Variants in GNAL observed in about 807,000 individuals in gnomAD.
The protein encoded by GNAL is G protein subunit alpha L.
A neutral mutation model predicts 55.1 loss-of-function variants in GNAL; 18 were observed. That is an observed-to-expected ratio of 0.33 (90% CI 0.23 to 0.48). GNAL has a LOEUF of 0.48. Ranked by LOEUF, GNAL falls within the 20% of genes least tolerant of loss-of-function variation. The pLI is 0.99. For synonymous variants in GNAL, 253 were observed against 237.0 expected (o/e 1.07, Z -0.62); for missense variants, 412 against 614.1 (o/e 0.67, Z 3.48).
At chr18:11,776,729 A>G (rs796547611) in intron 4 of GNAL, among the ~76,000 whole-genome samples, 30 of 145,962 alleles carry the variant, frequency 2.1e-4, no homozygotes, top group Middle Eastern at 3.5e-3. Context: ...AAAAAAAAAA[A>G]GAATTTACAC....
chr18:11,735,009 G>A (rs1051531603), intron 1 of GNAL, among the ~76,000 whole-genome samples: 2 of 148,926 alleles, frequency 1.3e-5, no homozygotes, highest in Non-Finnish European at 3.0e-5. Flanking sequence ...CCAGGCCGAC[G>A]TGAGGATTGG....
Position 11,689,466 on chromosome 18 carries a change from C to T in GNAL, c.-98C>T. 2.0e-6 allele frequency: 1 copy of T among 505,996 alleles called. No individual in the cohort carries two copies. The highest frequency in any genetic ancestry group is 2.0e-5 in the African/African-American group (1 of 49,970). The allele number at this position is 505,996 out of a possible 1,614,324, so 31.3% of individuals were successfully genotyped here. Reference sequence around the variant, plus strand: ...CGGGTGCAGCCCCCTCCCGCCCCTCCGCTGAGGCGCCGGCCTGAACTGGGC... The same window carrying T: ...CGGGTGCAGCCCCCTCCCGCCCCTCTGCTGAGGCGCCGGCCTGAACTGGGC... On this transcript the variant is annotated 5_prime_UTR_variant, in exon 1 of 12. Transcript: ENST00000334049.
intron 8 of GNAL, among the ~76,000 whole-genome samples, chr18:11,867,835 A>C (rs9303751): frequency 0.33 from 49,713 of 148,776 alleles, 9,407 homozygotes; most frequent in African/African-American, 0.53. Flanking sequence ...AATAATAATA[A>C]AAAAATTAGC....
chr18:11,859,296 A>G (rs2036076422), intron 5 of GNAL, among the ~76,000 whole-genome samples: 1 of 152,164 alleles, frequency 6.6e-6, no homozygotes, highest in Non-Finnish European at 1.5e-5. Flanking sequence ...CTGACTGTCC[A>G]GCCCCAGTTC....
At chr18:11,873,849 CG>C (rs1555616713) in intron 10 of GNAL, among the ~76,000 whole-genome samples, 15 of 152,122 alleles carry the variant, frequency 9.9e-5, no homozygotes, top group Non-Finnish European at 2.1e-4. Flanking sequence ...GCTCGGCGGC[CG>C]GGGGGTCCTT....
chr18:11,834,195 T>C (rs62097373), intron 5 of GNAL, among the ~76,000 whole-genome samples: 6,425 of 152,294 alleles, frequency 0.042, 164 homozygotes, highest in African/African-American at 0.072. Flanking sequence ...TATGGCTATA[T>C]TGATAAGAAC....
intron 1 of GNAL, among the ~76,000 whole-genome samples, chr18:11,716,141 C>T (rs902228665): frequency 1.3e-5 from 2 of 152,220 alleles, no homozygotes; most frequent in African/African-American, 4.8e-5. Context: ...GCAGCAATCT[C>T]ATTACTGGGT....
intron 4 of GNAL, among the ~76,000 whole-genome samples, chr18:11,778,835 G>C (rs546322292): frequency 6.6e-6 from 1 of 152,086 alleles, no homozygotes; most frequent in Admixed American, 6.5e-5. Flanking sequence ...ATGTTCCAGA[G>C]AATTTAACCC....
chr18:11,760,998 C>T (rs1598435382), intron 4 of GNAL, among the ~76,000 whole-genome samples: 1 of 152,286 alleles, frequency 6.6e-6, no homozygotes, highest in South Asian at 2.1e-4. Flanking sequence ...GGCGGTACAG[C>T]TTTAAAATGA....
chr18:11,884,964 TTCCAGG>T lies in GNAL; in HGVS notation c.*3830_*3835del, dbSNP rs1269744422. 7.7e-7 allele frequency: 1 copy of T among 1,302,742 alleles called. No individual in the cohort carries two copies. The allele number at this position is 1,302,742 out of a possible 1,614,324, so 80.7% of individuals were successfully genotyped here. The stretch of plus-strand genomic sequence containing the variant: ...AGAGATTCAGAGAGGCACCGTGGAG[TTCCAGG>T]GTCATCGGTCAGCGAGGAACAAGGA... On this transcript the variant is annotated 3_prime_UTR_variant, in exon 12 of 12. Transcript: ENST00000334049.
intron 4 of GNAL, among the ~76,000 whole-genome samples, chr18:11,766,911 G>A (rs927612055): frequency 3.3e-5 from 5 of 152,152 alleles, no homozygotes; most frequent in African/African-American, 7.2e-5. Context: ...CTAATAACCT[G>A]GGATGGCATT....
chr18:11,811,496 C>G (rs2034814756), intron 4 of GNAL: 1 of 152,220 alleles, frequency 6.6e-6, no homozygotes, highest in Non-Finnish European at 1.5e-5. Context: ...AAACTGTTAA[C>G]TGTCAGCAGT....
At chr18:11,718,759 A>C (rs559908610) in intron 1 of GNAL, among the ~76,000 whole-genome samples, 13 of 152,288 alleles carry the variant, frequency 8.5e-5, no homozygotes, top group African/African-American at 3.1e-4. Flanking sequence ...AAATGAGAGA[A>C]CTGCACTGTA....
chr18:11,737,954 G>A (rs1475721735), intron 1 of GNAL, among the ~76,000 whole-genome samples: 1 of 152,202 alleles, frequency 6.6e-6, no homozygotes, highest in Non-Finnish European at 1.5e-5. Flanking sequence ...ACCCAGTGGA[G>A]GCTGTCTGCA....
intron 2 of GNAL, 76 bp downstream of exon 2, chr18:11,753,001 T>A: frequency 2.6e-6 from 2 of 759,044 alleles, no homozygotes; most frequent in Non-Finnish European, 4.6e-6. Context: ...GTGCTTTCTC[T>A]AAACAATTTT....
Position 11,791,314 on chromosome 18 carries a change from A to G in GNAL, c.625-33604A>G, listed in dbSNP as rs147218835. Among the ~76,000 whole-genome samples the G allele has an allele frequency of 9.9e-3, 1,515 of 152,346 alleles. 10 individuals carry two copies. Among genetic ancestry groups the G allele is most frequent in the Non-Finnish European group, 0.015 (993 of 68,030 alleles). On this transcript the variant is annotated intron_variant, in intron 4 of 11. Transcript: ENST00000334049. ...CCTGTTTGTTTCTTTGTTGCCAGCCACAGGAATGGGAACCGCTAGGTGTTT... is the reference window on the plus strand; with the variant it reads ...CCTGTTTGTTTCTTTGTTGCCAGCCGCAGGAATGGGAACCGCTAGGTGTTT...
rs781365595 is a variant in GNAL at position 11,752,839 on chromosome 18, CTGTT to C, written c.377-7_377-4del. ...CCGGACACAGATCACAGCGTTCTTT[CTGTT>C]TGTTTGCAGGGGCTGGTGAGTCTGG... On this transcript the variant is annotated splice_polypyrimidine_tract_variant and intron_variant, in intron 1 of 11. Transcript: ENST00000334049. This position sits in a 1 kb window ranked among gnomAD's most constrained non-coding sequence, Gnocchi z 4.5. 5.0e-6 allele frequency: 8 copies of C among 1,586,688 alleles called. No homozygotes were observed. Among genetic ancestry groups the C allele is most frequent in the South Asian group, 2.2e-5 (2 of 90,484 alleles).
Position 11,885,434 on chromosome 18 carries a change from A to G in GNAL, c.*4299A>G. ...GAGAGGATACGGCCCTCCCTGAAGG[A>G]TAAAGTCCACCTGGACGGTGCCCTG... On this transcript the variant is annotated 3_prime_UTR_variant, in exon 12 of 12. Transcript: ENST00000334049. The G allele has an allele frequency of 1.9e-6, 1 of 528,546 alleles. No individual in the cohort carries two copies. The highest frequency in any genetic ancestry group is 3.4e-6 in the Non-Finnish European group (1 of 296,592). 32.7% of individuals were successfully genotyped at this position (528,546 alleles called of 1,614,324 possible). A position where few individuals can be genotyped will look rare whatever the true frequency, so the allele number is the denominator to read the frequency against.
At position 11,881,521 on chromosome 18, in the gene GNAL, C is replaced by G. The variant is rs1216982626; in HGVS notation, c.*386C>G. On this transcript the variant is annotated 3_prime_UTR_variant, in exon 12 of 12. Transcript: ENST00000334049. This position sits in a 1 kb window ranked among gnomAD's most constrained non-coding sequence, Gnocchi z 4.8. ...GACTGCAAGAGCGTTCGTGCAGTGC[C>G]CTGAGCCACGGCCGTCTCTGATTCT... The G allele has an allele frequency of 6.2e-6, 1 of 161,696 alleles. No individual in the cohort carries two copies. The highest frequency in any genetic ancestry group is 1.4e-5 in the Non-Finnish European group (1 of 73,762). The allele number at this position is 161,696 out of a possible 1,614,324, so 10.0% of individuals were successfully genotyped here.
Sources: allele counts gnomAD v4.1 joint callset (sites outside exome capture counted in the v4.1 genomes callset), GRCh38; gene constraint gnomAD v4.1.1; non-coding constraint Gnocchi (gnomAD v3.1); transcripts MANE v1.5; gene names NCBI Gene and HGNC (gene_info 2026-07-23, HGNC 2026-07-21).